The following EXOC6B variants were observed in gnomAD, a reference collection of about 807,000 sequenced individuals.
EXOC6B encodes SEC15 homolog B.
EXOC6B carries 54 observed loss-of-function variants against 113.5 expected under a neutral mutation model. The ratio of observed to expected loss-of-function variants is 0.48; its 90% CI spans 0.38 to 0.60. EXOC6B has a LOEUF of 0.60. EXOC6B is among the 20% of genes least tolerant of loss of function. The pLI, the probability that EXOC6B is intolerant of heterozygous loss-of-function variation, is 0.00. For synonymous variants in EXOC6B, 357 were observed against 339.0 expected (o/e 1.05, Z -0.58); for missense variants, 797 against 977.5 (o/e 0.82, Z 2.46).
intron 18 of EXOC6B, among the ~76,000 whole-genome samples, chr2:72,425,559 CT>C (rs961444598): frequency 1.3e-5 from 2 of 152,132 alleles, no homozygotes; most frequent in Admixed American, 6.5e-5. Context: ...ATGACCTTCC[CT>C]CCAACCCCTC....
At chr2:72,492,771 CAT>C (rs1314440693) in intron 15 of EXOC6B, among the ~76,000 whole-genome samples, 1 of 151,622 alleles carries the variant, frequency 6.6e-6, no homozygotes, top group Non-Finnish European at 1.5e-5. Flanking sequence ...ATTATACTAT[CAT>C]GTAATTTTTA....
chr2:72,769,328 GATA>G (rs1277573876), intron 1 of EXOC6B, among the ~76,000 whole-genome samples: 1 of 152,088 alleles, frequency 6.6e-6, no homozygotes, highest in African/African-American at 2.4e-5. Flanking sequence ...AAATAATAAG[GATA>G]ATGTTGTGTG....
chr2:72,788,515 G>A lies in EXOC6B; in HGVS notation c.113+37283C>T, dbSNP rs1269149962. Among the ~76,000 whole-genome samples the A allele has an allele frequency of 3.3e-5, 5 of 152,256 alleles. No homozygotes were observed. The East Asian group carries it at 9.6e-4, about 29-fold the overall frequency. ...AGGAATATCAAGAATCTGCCAGCTG[G>A]GTCTGGTGCAGTGGCTCGCACCTGT... On this transcript the variant is annotated intron_variant, in intron 1 of 21. Coordinates refer to ENST00000272427, the MANE Select transcript of EXOC6B (RefSeq NM_015189.3).
chr2:72,182,885 T>C, intron 21 of EXOC6B: 11 of 1,230,958 alleles, frequency 8.9e-6, no homozygotes, highest in Non-Finnish European at 1.1e-5. Context: ...AAGTGAATAA[T>C]ATACTTACTC....
chr2:72,379,635 G>T, intron 19 of EXOC6B, 94 bp downstream of exon 19: 1 of 1,270,336 alleles, frequency 7.9e-7, no homozygotes, highest in Admixed American at 2.6e-5. Context: ...ACTGCATTAG[G>T]AACAAGGACC....
chr2:72,808,834 A>G (rs1386974551), intron 1 of EXOC6B, among the ~76,000 whole-genome samples: 1 of 152,068 alleles, frequency 6.6e-6, no homozygotes, highest in Admixed American at 6.6e-5. Flanking sequence ...ACACTTTGGG[A>G]GGCAGAGGCA....
chr2:72,476,013 G>A (rs671721), intron 17 of EXOC6B, among the ~76,000 whole-genome samples: 15,722 of 152,204 alleles, frequency 0.1, 831 homozygotes, highest in African/African-American at 0.13. Context: ...TGCGCTATCT[G>A]TTGGAGTCAG....
intron 6 of EXOC6B, among the ~76,000 whole-genome samples, chr2:72,712,897 TAAAG>T (rs1457343509): frequency 6.6e-6 from 1 of 152,074 alleles, no homozygotes; most frequent in Non-Finnish European, 1.5e-5. Context: ...CACATGCAAT[TAAAG>T]AAAAAGAGCT....
At chr2:72,195,068 C>G (rs1679087169) in intron 20 of EXOC6B, among the ~76,000 whole-genome samples, 1 of 152,058 alleles carries the variant, frequency 6.6e-6, no homozygotes, top group African/African-American at 2.4e-5. Flanking sequence ...GGAACATCAC[C>G]CTGAGAAATA....
At chr2:72,208,639 T>C (rs192612196) in intron 20 of EXOC6B, among the ~76,000 whole-genome samples, 30 of 152,246 alleles carry the variant, frequency 2.0e-4, no homozygotes, top group Middle Eastern at 3.4e-3. Context: ...AGCTCTGTTT[T>C]AAGTTCAGGT....
At chr2:72,704,511 A>G (rs1175206194) in intron 6 of EXOC6B, among the ~76,000 whole-genome samples, 1 of 150,368 alleles carries the variant, frequency 6.7e-6, no homozygotes, top group Non-Finnish European at 1.5e-5. Flanking sequence ...GACACAAAAA[A>G]CCCTTCAAAA....
At chr2:72,460,187 C>A (rs1459746920) in intron 18 of EXOC6B, among the ~76,000 whole-genome samples, 2 of 152,050 alleles carry the variant, frequency 1.3e-5, no homozygotes, top group Non-Finnish European at 2.9e-5. Flanking sequence ...CTTCCTTACA[C>A]CTTATACAAA....
intron 7 of EXOC6B, 85 bp from the exon 8 acceptor site, chr2:72,559,606 T>A (rs1032397192): frequency 7.1e-6 from 8 of 1,129,140 alleles, no homozygotes; most frequent in Admixed American, 2.4e-5. Context: ...AGTGTTTGGT[T>A]CTTTTTATAA....
chr2:72,498,862 A>G (rs975800122), intron 12 of EXOC6B, among the ~76,000 whole-genome samples: 1 of 152,126 alleles, frequency 6.6e-6, no homozygotes, highest in Admixed American at 6.5e-5. Flanking sequence ...CCTACTACCT[A>G]TAGTAAGCGT....
chr2:72,296,046 A>G (rs1296699210), intron 20 of EXOC6B, among the ~76,000 whole-genome samples: 3 of 152,128 alleles, frequency 2.0e-5, no homozygotes, highest in Non-Finnish European at 4.4e-5. Context: ...GATTTGTCCA[A>G]GGATACCCAG....
chr2:72,555,361 C>T (rs1212247927), intron 8 of EXOC6B, among the ~76,000 whole-genome samples: 1 of 152,204 alleles, frequency 6.6e-6, no homozygotes, highest in African/African-American at 2.4e-5. Flanking sequence ...AACTAATTTA[C>T]ACTTCCACCA....
chr2:72,655,165 T>C (rs778176314), intron 6 of EXOC6B, among the ~76,000 whole-genome samples: 2 of 152,166 alleles, frequency 1.3e-5, no homozygotes, highest in Non-Finnish European at 2.9e-5. Flanking sequence ...AAACAGATTT[T>C]AGTAATCACT....
chr2:72,332,158 G>A (rs1004016700), intron 20 of EXOC6B, among the ~76,000 whole-genome samples: 1 of 151,928 alleles, frequency 6.6e-6, no homozygotes, highest in Non-Finnish European at 1.5e-5. Context: ...ACATGAGTGT[G>A]TACCCTATAA....
intron 20 of EXOC6B, among the ~76,000 whole-genome samples, chr2:72,224,811 T>C (rs1478519798): frequency 6.7e-6 from 1 of 148,740 alleles, no homozygotes; most frequent in Non-Finnish European, 1.5e-5. Context: ...TGTGTGTGTG[T>C]GTGTGTGTGC....
Sources: allele counts gnomAD v4.1 joint callset (sites outside exome capture counted in the v4.1 genomes callset), GRCh38; gene constraint gnomAD v4.1.1; transcripts MANE v1.5; gene names NCBI Gene and HGNC (gene_info 2026-07-23, HGNC 2026-07-21).